Variants in FIG4 observed in about 807,000 individuals in gnomAD.
FIG4 encodes FIG4 phosphoinositide 5-phosphatase, also known as polyphosphoinositide phosphatase.
In FIG4, 112 loss-of-function variants were observed where a neutral mutation model predicts 118.6. The ratio of observed to expected loss-of-function variants is 0.94; its 90% CI spans 0.81 to 1.11. The LOEUF (loss-of-function observed/expected upper bound fraction) is 1.11, where lower values mean the gene tolerates loss of function less well. FIG4 is among the 50% of genes least tolerant of loss of function. The pLI, the probability that FIG4 is intolerant of heterozygous loss-of-function variation, is 0.00. For missense variants in FIG4, 969 were observed against 1,111.7 expected, an observed-to-expected ratio of 0.87 and a Z score of 1.83; for synonymous variants, 369 against 381.2, an observed-to-expected ratio of 0.97 and a Z score of 0.37.
Position 109,743,148 on chromosome 6 carries a change from C to G in FIG4, c.915C>G (p.Leu305=), listed in dbSNP as rs375022448. The change falls in exon 9 of 23, where the codon CTC becomes CTG. Residue 305 remains leucine (L), a synonymous_variant. Coordinates refer to ENST00000230124, the MANE Select transcript of FIG4 (RefSeq NM_014845.6). ...VANEVETEQI[L]CDASVMSFTA... The stretch of plus-strand genomic sequence containing the variant: ...ATGAAGTGGAGACTGAACAAATACT[C>G]TGCGATGCTTCTGTGATGTCTTTCA... 1.9e-6 allele frequency: 3 copies of G among 1,612,870 alleles called. No homozygotes were observed. Among genetic ancestry groups the G allele is most frequent in the Non-Finnish European group, 2.5e-6 (3 of 1,179,260 alleles).
intron 15 of FIG4, among the ~76,000 whole-genome samples, chr6:109,769,232 G>A (rs1444377108): frequency 2.0e-5 from 3 of 151,766 alleles, no homozygotes; most frequent in Non-Finnish European, 4.4e-5. Flanking sequence ...CCTCCGGAGT[G>A]TAATGTGCTT....
intron 10 of FIG4, among the ~76,000 whole-genome samples, chr6:109,759,558 A>G (rs1278955195): frequency 6.6e-6 from 1 of 152,202 alleles, no homozygotes; most frequent in African/African-American, 2.4e-5. Context: ...CCAAGGTCAC[A>G]TGGCTAGTGA....
chr6:109,739,763 A>T (rs907578667), intron 7 of FIG4, among the ~76,000 whole-genome samples: 1 of 152,150 alleles, frequency 6.6e-6, no homozygotes, highest in Non-Finnish European at 1.5e-5. Context: ...GTACAAAAAA[A>T]AATTTAAAGG....
chr6:109,700,333 A>G (rs1172611719), intron 1 of FIG4, among the ~76,000 whole-genome samples: 1 of 152,230 alleles, frequency 6.6e-6, no homozygotes, highest in Non-Finnish European at 1.5e-5. Context: ...ATATCCTTAC[A>G]TGCAAAAATA....
chr6:109,741,626 AG>A, intron 8 of FIG4, 82 bp downstream of exon 8: 2 of 918,608 alleles, frequency 2.2e-6, no homozygotes, highest in Non-Finnish European at 3.6e-6. Context: ...TGAAATTTTA[AG>A]AAGTGGTATT....
At position 109,825,180 on chromosome 6, in the gene FIG4, T is replaced by A. The variant is rs746915624; in HGVS notation, c.2639T>A (p.Ile880Asn). 6.2e-7 allele frequency: 1 copy of A among 1,614,018 alleles called. No individual in the cohort carries two copies. Among genetic ancestry groups the A allele is most frequent in the Non-Finnish European group, 8.5e-7 (1 of 1,179,954 alleles). ...RKSTEIFQAHIQASQGIMQPL... is the reference protein window; with the variant it reads ...RKSTEIFQAHNQASQGIMQPL... The stretch of plus-strand genomic sequence containing the variant: ...TCTACAGAGATCTTCCAAGCCCACA[T>A]CCAGGCCAGCCAAGGTATCATGCAG... Residue 880 changes from isoleucine to asparagine, a missense_variant, in exon 23 of 23, where the codon ATC becomes AAC. By Grantham distance (149) the Ile-to-Asn change is moderately radical (BLOSUM62 -3). Transcript: ENST00000230124.
At chr6:109,761,413 C>A (rs575815154) in intron 11 of FIG4, among the ~76,000 whole-genome samples, 202 of 151,218 alleles carry the variant, frequency 1.3e-3, no homozygotes, top group African/African-American at 4.7e-3. Flanking sequence ...TGAGATGGAG[C>A]CTCACTCTGT....
At chr6:109,781,829 G>A (rs549950766) in intron 16 of FIG4, among the ~76,000 whole-genome samples, 1 of 144,120 alleles carries the variant, frequency 6.9e-6, no homozygotes, top group East Asian at 2.0e-4. Flanking sequence ...GAAAAATGTT[G>A]AGTACAGTAG....
rs183958565 is a variant in FIG4, at chr6:109,786,405, C to T, written c.2052C>T (p.Ser684=). Reference sequence around the variant, plus strand: ...AGTTCTTTCGGCCATATGAGTTGAGCAGCTTTGATGATACCTTTTGCTTGG... The same window carrying T: ...AGTTCTTTCGGCCATATGAGTTGAGTAGCTTTGATGATACCTTTTGCTTGG... ...HNEFFRPYEL[S]SFDDTFCLAM... is the part of the protein sequence containing the mutation. The change falls in exon 18 of 23, where the codon AGC becomes AGT. Residue 684 remains serine, a synonymous_variant. Coordinates refer to ENST00000230124, the MANE Select transcript of FIG4 (RefSeq NM_014845.6). 24 of 1,613,952 alleles carry T rather than the reference C, an allele frequency of 1.5e-5. No individual in the cohort carries two copies. In the Admixed American group the frequency reaches 2.7e-4, roughly 18 times the overall value.
rs914586961 is a variant in FIG4 at position 109,723,670 on chromosome 6, C to T, written c.290-3439C>T. On this transcript the variant is annotated intron_variant, in intron 3 of 22. Coordinates refer to ENST00000230124, the MANE Select transcript of FIG4 (RefSeq NM_014845.6). ...TATTTTTTGGCCATAGTTGATTGGTCCTGGGCTGGGCCCCTGACCCAAGTT... is the reference window on the plus strand; with the variant it reads ...TATTTTTTGGCCATAGTTGATTGGTTCTGGGCTGGGCCCCTGACCCAAGTT... Among the ~76,000 whole-genome samples, 9 of 152,184 alleles carry T rather than the reference C, an allele frequency of 5.9e-5. No homozygotes were observed. In the East Asian group the frequency reaches 1.7e-3, roughly 29 times the overall value.
intron 1 of FIG4, among the ~76,000 whole-genome samples, chr6:109,710,909 T>TCAAAAA (rs34915199): frequency 6.7e-6 from 1 of 149,480 alleles, no homozygotes; most frequent in Non-Finnish European, 1.5e-5. Context: ...TATTAGTTTT[T>TCAAAAA]AAAAAAAAAA....
intron 18 of FIG4, among the ~76,000 whole-genome samples, chr6:109,789,033 G>A (rs532217756): frequency 1.1e-4 from 17 of 152,216 alleles, no homozygotes; most frequent in Non-Finnish European, 2.1e-4. Flanking sequence ...GCCTAATGAG[G>A]TAGATGTTGG....
chr6:109,794,175 A>G (rs898911182), intron 21 of FIG4, among the ~76,000 whole-genome samples: 6 of 152,240 alleles, frequency 3.9e-5, no homozygotes, highest in East Asian at 1.9e-4. Context: ...CTTTCATTGT[A>G]TAACAGTTTA....
intron 16 of FIG4, among the ~76,000 whole-genome samples, chr6:109,779,376 A>C (rs139477823): frequency 6.6e-6 from 1 of 152,312 alleles, no homozygotes; most frequent in East Asian, 1.9e-4. Context: ...TTGAGAGTTT[A>C]TATGTGGGAA....
chr6:109,720,350 T>A (rs956746302), intron 3 of FIG4, among the ~76,000 whole-genome samples: 1 of 152,244 alleles, frequency 6.6e-6, no homozygotes, highest in South Asian at 2.1e-4. Flanking sequence ...GTGAAATGAC[T>A]AGAATGGTTG....
At chr6:109,809,731 T>C (rs751215057) in intron 22 of FIG4, among the ~76,000 whole-genome samples, 8 of 152,232 alleles carry the variant, frequency 5.3e-5, no homozygotes, top group Non-Finnish European at 1.0e-4. Flanking sequence ...AAATGTTCTC[T>C]TTTTAAAGGG....
chr6:109,741,558 C>G lies in FIG4; in HGVS notation c.876+14C>G, dbSNP rs1256994561. 1 of 1,486,820 alleles carries G rather than the reference C, an allele frequency of 6.7e-7. No homozygotes were observed. Among genetic ancestry groups the G allele is most frequent in the African/African-American group, 1.4e-5 (1 of 72,478 alleles). The allele number at this position is 1,486,820 out of a possible 1,614,324, so 92.1% of individuals were successfully genotyped here. A position where few individuals can be genotyped will look rare whatever the true frequency, so the allele number is the denominator to read the frequency against. On this transcript the variant is annotated intron_variant, in intron 8 of 22. Transcript: ENST00000230124. ...GCAAACTGTGAGGTAAGATGACAAACAGTATCTTCACTGACCTTTTAACCT... is the reference window on the plus strand; with the variant it reads ...GCAAACTGTGAGGTAAGATGACAAAGAGTATCTTCACTGACCTTTTAACCT...
intron 15 of FIG4, 56 bp downstream of exon 15, chr6:109,766,951 T>C (rs1777298761): frequency 6.9e-7 from 1 of 1,447,520 alleles, no homozygotes; most frequent in African/African-American, 1.4e-5. Context: ...ATTTTTTGTA[T>C]GTCTTTTAAA....
intron 10 of FIG4, among the ~76,000 whole-genome samples, chr6:109,752,595 A>G (rs1776744368): frequency 6.6e-6 from 1 of 152,178 alleles, no homozygotes; most frequent in Admixed American, 6.5e-5. Context: ...ACCAGTGATG[A>G]TGAGCATTTT....
Sources: allele counts gnomAD v4.1 joint callset (sites outside exome capture counted in the v4.1 genomes callset), GRCh38; gene constraint gnomAD v4.1.1; transcripts MANE v1.5; gene names NCBI Gene and HGNC (gene_info 2026-07-23, HGNC 2026-07-21).